TSPAN17: variants seen among roughly 807,000 people sequenced by gnomAD.
TSPAN17 encodes tetraspanin-17.
Under a neutral mutation model 40.5 loss-of-function variants are expected in TSPAN17, and 33 were observed. The ratio of observed to expected loss-of-function variants is 0.81; its 90% CI spans 0.62 to 1.09. The LOEUF (loss-of-function observed/expected upper bound fraction) is 1.09. TSPAN17 is among the 50% of genes least tolerant of loss of function. The pLI, the probability that TSPAN17 is intolerant of heterozygous loss-of-function variation, is 0.00. For missense variants in TSPAN17, 365 were observed against 416.8 expected (o/e 0.88, Z 1.08); for synonymous variants, 166 against 169.4 (o/e 0.98, Z 0.15).
chr5:176,650,026 G>A lies in TSPAN17; in HGVS notation c.88-1590G>A, dbSNP rs73332176. ...TGTTAAGGGGTCTGTTTGCATCTGA[G>A]GTTTCCTTGTCTGCTCACTGACTGT... On this transcript the variant is annotated intron_variant, in intron 1 of 8. Transcript: ENST00000508164. This position sits in a 1 kb window ranked among gnomAD's most constrained non-coding sequence, Gnocchi z 4.0. Among the ~76,000 whole-genome samples, 5,606 of 152,292 alleles carry A rather than the reference G, an allele frequency of 0.037. 338 individuals carry two copies. Among genetic ancestry groups the A allele is most frequent in the African/African-American group, 0.13 (5,331 of 41,562 alleles).
At position 176,657,228 on chromosome 5, in the gene TSPAN17, G is replaced by T. The variant is rs1248896842; in HGVS notation, c.809+272G>T. 5 of 625,404 alleles carry T rather than the reference G, an allele frequency of 8.0e-6. No individual in the cohort carries two copies. In the Admixed American group the frequency reaches 1.5e-4, roughly 19 times the overall value. 38.7% of individuals were successfully genotyped at this position (625,404 alleles called of 1,614,324 possible). On this transcript the variant is annotated intron_variant, in intron 8 of 8. Transcript: ENST00000508164. ...AGCCACCGTCTCGGCTACATTTGGG[G>T]TGGTGGACTCTCCAGGGGACTAGGA...
rs532735183 is a variant in TSPAN17, at chr5:176,655,957, C to T, written c.583-121C>T. 1,095 of 879,206 alleles carry T rather than the reference C, an allele frequency of 1.2e-3. 8 individuals are homozygous for T. In the African/African-American group the frequency reaches 0.016, roughly 13 times the overall value. The allele number at this position is 879,206 out of a possible 1,614,324, so 54.5% of individuals were successfully genotyped here. On this transcript the variant is annotated intron_variant, in intron 5 of 8. Coordinates refer to ENST00000508164, the MANE Select transcript of TSPAN17 (RefSeq NM_130465.5). ...GAGGCTCACTTAAGACTGGTGGACA[C>T]GGCAGAATCCACGGGCCCATCTGCG...
intron 5 of TSPAN17, 93 bp from the exon 6 acceptor site, chr5:176,655,985 C>A: frequency 8.5e-7 from 1 of 1,174,544 alleles, no homozygotes; most frequent in South Asian, 1.2e-5. Flanking sequence ...CATCTGCGTC[C>A]TCTGAGAAGG....
chr5:176,652,111 A>G (rs1430820101), intron 3 of TSPAN17, among the ~76,000 whole-genome samples: 1 of 152,162 alleles, frequency 6.6e-6, no homozygotes, highest in East Asian at 1.9e-4. Context: ...ATTGACTCAA[A>G]TAAGAAAAGT....
At position 176,650,517 on chromosome 5, in the gene TSPAN17, G is replaced by C. The variant is rs55745338; in HGVS notation, c.88-1099G>C. Among the ~76,000 whole-genome samples the C allele has an allele frequency of 0.092, 13,961 of 152,182 alleles. 1,725 individuals carry two copies. Among genetic ancestry groups the C allele is most frequent in the African/African-American group, 0.28 (11,607 of 41,446 alleles). On this transcript the variant is annotated intron_variant, in intron 1 of 8. Coordinates refer to ENST00000508164, the MANE Select transcript of TSPAN17 (RefSeq NM_130465.5). This position sits in a 1 kb window ranked among gnomAD's most constrained non-coding sequence, Gnocchi z 4.0. ...GTTAACTGAGGTGGGGTTCAGGAAG[G>C]AGAAAGTGGCACTCAGTCCCCTGTC...
chr5:176,655,953 G>A, intron 5 of TSPAN17, 125 bp from the exon 6 acceptor site: 1 of 854,098 alleles, frequency 1.2e-6, no homozygotes, highest in South Asian at 1.4e-5. Flanking sequence ...AAGACTGGTG[G>A]ACACGGCAGA....
chr5:176,657,910 GCTGCGGGCCAAT>G lies in TSPAN17; in HGVS notation c.*216_*227del. The G allele has an allele frequency of 3.7e-6, 3 of 803,310 alleles. No individual in the cohort carries two copies. The highest frequency in any genetic ancestry group is 5.3e-6 in the Non-Finnish European group (3 of 561,024). The allele number at this position is 803,310 out of a possible 1,614,324, so 49.8% of individuals were successfully genotyped here. A position where few individuals can be genotyped will look rare whatever the true frequency, so the allele number is the denominator to read the frequency against. On this transcript the variant is annotated 3_prime_UTR_variant, in exon 9 of 9. Coordinates refer to ENST00000508164, the MANE Select transcript of TSPAN17 (RefSeq NM_130465.5). ...GGGTTATTCCCTGCACCTCGAGGCCGCTGCGGGCCAATCTGGAGTGAAACACGGGGACCTGAA... is the reference window on the plus strand; with the variant it reads ...GGGTTATTCCCTGCACCTCGAGGCCGCTGGAGTGAAACACGGGGACCTGAA...
At position 176,650,384 on chromosome 5, in the gene TSPAN17, G is replaced by C. The variant is rs925222506; in HGVS notation, c.88-1232G>C. ...CTCACTTCCCAGCTGTTTTCCCAAAGTGCTTTAATTGTATTTCCTTGGCTC... is the reference window on the plus strand; with the variant it reads ...CTCACTTCCCAGCTGTTTTCCCAAACTGCTTTAATTGTATTTCCTTGGCTC... On this transcript the variant is annotated intron_variant, in intron 1 of 8. Coordinates refer to ENST00000508164, the MANE Select transcript of TSPAN17 (RefSeq NM_130465.5). The surrounding 1 kb of genome is among the most constrained non-coding windows in gnomAD (Gnocchi z 4.0). Among the ~76,000 whole-genome samples the C allele has an allele frequency of 6.6e-6, 1 of 152,202 alleles. No homozygotes were observed. Among genetic ancestry groups the C allele is most frequent in the Non-Finnish European group, 1.5e-5 (1 of 68,046 alleles).
At chr5:176,653,119 C>T (rs932767073) in intron 4 of TSPAN17, 44 of 511,380 alleles carry the variant, frequency 8.6e-5, no homozygotes, top group African/African-American at 1.5e-4. Flanking sequence ...CATAGGGCCA[C>T]GGCCTTGGGA....
rs1434441080 is a variant in TSPAN17 at position 176,655,033 on chromosome 5, G to A, written c.582+13G>A. Reference sequence around the variant, plus strand: ...CAGGGACCCTGCGGTGAGTGGGGCTGGGGGAGGAGAGGTAAGGGACTTTCC... The same window carrying A: ...CAGGGACCCTGCGGTGAGTGGGGCTAGGGGAGGAGAGGTAAGGGACTTTCC... On this transcript the variant is annotated intron_variant, in intron 5 of 8. Coordinates refer to ENST00000508164, the MANE Select transcript of TSPAN17 (RefSeq NM_130465.5). 6.3e-7 allele frequency: 1 copy of A among 1,595,152 alleles called. No individual in the cohort carries two copies. The highest frequency in any genetic ancestry group is 8.5e-7 in the Non-Finnish European group (1 of 1,170,536).
At chr5:176,649,381 C>T (rs1760873484) in intron 1 of TSPAN17, among the ~76,000 whole-genome samples, 1 of 150,848 alleles carries the variant, frequency 6.6e-6, no homozygotes, top group African/African-American at 2.4e-5. Context: ...TCAGGCAGAC[C>T]CTGGTGTTGT....
In TSPAN17 at chr5:176,657,797, C is replaced by T. The variant is rs1293153157; in HGVS notation, c.*99C>T. 6.6e-7 allele frequency: 1 copy of T among 1,510,382 alleles called. No homozygotes were observed. Among genetic ancestry groups the T allele is most frequent in the Non-Finnish European group, 8.8e-7 (1 of 1,133,308 alleles). 93.6% of individuals were successfully genotyped at this position (1,510,382 alleles called of 1,614,324 possible). ...AACACTACCTGGGACACTGCCTCCCCAGTCACCAAGGGCCCCAGCTGGCCC... is the reference window on the plus strand; with the variant it reads ...AACACTACCTGGGACACTGCCTCCCTAGTCACCAAGGGCCCCAGCTGGCCC... On this transcript the variant is annotated 3_prime_UTR_variant, in exon 9 of 9. Coordinates refer to ENST00000508164, the MANE Select transcript of TSPAN17 (RefSeq NM_130465.5).
Position 176,651,664 on chromosome 5 carries a change from A to G in TSPAN17, c.136A>G (p.Lys46Glu). 6.2e-7 allele frequency: 1 copy of G among 1,613,908 alleles called. No homozygotes were observed. Among genetic ancestry groups the G allele is most frequent in the East Asian group, 2.2e-5 (1 of 44,876 alleles). The change falls in exon 2 of 9, where the codon AAG becomes GAG. Residue 46 changes from lysine (K) to glutamate (E), a missense_variant and splice_region_variant. Lys to Glu is a moderately conservative substitution (Grantham distance 56, BLOSUM62 1). Coordinates refer to ENST00000508164, the MANE Select transcript of TSPAN17 (RefSeq NM_130465.5). The surrounding 1 kb of genome is among the most constrained non-coding windows in gnomAD (Gnocchi z 4.5). ...TATCGGCCTCTGGGCCTGGGGTGAG[A>G]AGGTAAGGCAGCGGGCGGGCGTGGA... is the stretch of plus-strand genomic sequence containing the variant. The part of the protein sequence containing the change: ...LAIGLWAWGE[K>E]GVLSNISALT...
In TSPAN17 at chr5:176,657,341, C is replaced by T. The variant is rs147992790; in HGVS notation, c.810-177C>T. On this transcript the variant is annotated intron_variant, in intron 8 of 8. Coordinates refer to ENST00000508164, the MANE Select transcript of TSPAN17 (RefSeq NM_130465.5). ...CGTTCCCTGCCCCCCAGTGCTGGGACGCACCTTTCTGTGCGTAGCTGTATG... is the reference window on the plus strand; with the variant it reads ...CGTTCCCTGCCCCCCAGTGCTGGGATGCACCTTTCTGTGCGTAGCTGTATG... The T allele has an allele frequency of 5.1e-4, 582 of 1,148,346 alleles. 3 individuals carry two copies. In the East Asian group the frequency reaches 0.013, roughly 26 times the overall value. 71.1% of individuals were successfully genotyped at this position (1,148,346 alleles called of 1,614,324 possible). A position where few individuals can be genotyped will look rare whatever the true frequency, so the allele number is the denominator to read the frequency against.
At chr5:176,652,207 C>G (rs1343051321) in intron 3 of TSPAN17, among the ~76,000 whole-genome samples, 1 of 152,146 alleles carries the variant, frequency 6.6e-6, no homozygotes, top group African/African-American at 2.4e-5. Flanking sequence ...TTCTCGGGCT[C>G]CCCCCGTTTG....
chr5:176,651,801 C>G lies in TSPAN17; in HGVS notation c.186C>G (p.Asp62Glu), dbSNP rs780843786. 4.3e-6 allele frequency: 7 copies of G among 1,614,146 alleles called. No individual in the cohort carries two copies. Among genetic ancestry groups the G allele is most frequent in the Non-Finnish European group, 5.9e-6 (7 of 1,180,018 alleles). Residue 62 changes from aspartate to glutamate, a missense_variant, in exon 3 of 9, where the codon GAC (aspartate) becomes GAG (glutamate). By Grantham distance (45) the Asp-to-Glu change is conservative. Transcript: ENST00000508164. This position sits in a 1 kb window ranked among gnomAD's most constrained non-coding sequence, Gnocchi z 4.5. Reference sequence around the variant, plus strand: ...CGCTGACAGATCTGGGAGGCCTTGACCCCGTGTGGCTGTTTGTGGTAGTTG... The same window carrying G: ...CGCTGACAGATCTGGGAGGCCTTGAGCCCGTGTGGCTGTTTGTGGTAGTTG... ...ISALTDLGGL[D>E]PVWLFVVVGG...
intron 3 of TSPAN17, among the ~76,000 whole-genome samples, chr5:176,652,409 T>A (rs1187301945): frequency 6.6e-6 from 1 of 152,176 alleles, no homozygotes; most frequent in Non-Finnish European, 1.5e-5. Context: ...CTCTGATTGG[T>A]GGGCTTTAGG....
In TSPAN17 at chr5:176,657,626, G is replaced by T. The variant is rs766645793; in HGVS notation, c.918G>T (p.Pro306=). 3.1e-6 allele frequency: 5 copies of T among 1,612,984 alleles called. No homozygotes were observed. The African/African-American group carries it at 5.3e-5, about 17-fold the overall frequency. The change falls in exon 9 of 9, where the codon CCG becomes CCT. Residue 306 remains proline, a synonymous_variant. Coordinates refer to ENST00000508164, the MANE Select transcript of TSPAN17 (RefSeq NM_130465.5). The part of the protein sequence containing the change: ...QQNSLTGAPG[P]APPSRHVFFG... ...ACTCTCTGACTGGGGCCCCTGGCCC[G>T]GCCCCACCCAGCCGACATGTTTTCT...
chr5:176,657,011 G>C, intron 8 of TSPAN17, 55 bp downstream of exon 8: 2 of 1,571,222 alleles, frequency 1.3e-6, no homozygotes, highest in African/African-American at 2.7e-5. Flanking sequence ...CCTCTGGGGG[G>C]CCCCCCAGGA....
Sources: gnomAD v4.1 joint callset for allele counts (sites outside exome capture counted in the v4.1 genomes callset) on GRCh38, gnomAD v4.1.1 for gene constraint, Gnocchi (gnomAD v3.1) non-coding constraint, MANE v1.5 for transcripts, NCBI Gene and HGNC (gene_info 2026-07-23, HGNC 2026-07-21) for gene names.